Variants in RANBP2 observed in about 807,000 individuals in gnomAD.
RANBP2 encodes the protein RAN binding protein 2.
RANBP2 carries 57 observed loss-of-function variants against 303.6 expected under a neutral mutation model. The ratio of observed to expected loss-of-function variants is 0.19; its 90% CI spans 0.15 to 0.23. The LOEUF is 0.23. Among genes scored for constraint, RANBP2 ranks in the 10% least tolerant of loss-of-function variants. The pLI, the probability that RANBP2 is intolerant of heterozygous loss-of-function variation, is 1.00. For synonymous variants in RANBP2, 1,167 were observed against 1,301.5 expected, an observed-to-expected ratio of 0.90 and a Z score of 2.23; for missense variants, 3,138 against 3,780.8, an observed-to-expected ratio of 0.83 and a Z score of 4.46.
chr2:109,046,899 A>G, the RANBP2 span, among the ~76,000 whole-genome samples: 1 of 151,272 alleles, frequency 6.6e-6, no homozygotes, highest in Admixed American at 6.6e-5. Context: ...AGTGACCCCA[A>G]CCCCTGCCGG....
At chr2:109,548,508 A>C in the RANBP2 span, among the ~76,000 whole-genome samples, 47,881 of 151,978 alleles carry the variant, frequency 0.32, 7,773 homozygotes, top group Admixed American at 0.42. Context: ...TAAGACACCA[A>C]GTTGTCTAGA....
At chr2:109,422,956 G>A in the RANBP2 span, among the ~76,000 whole-genome samples, 3 of 152,114 alleles carry the variant, frequency 2.0e-5, no homozygotes, top group Non-Finnish European at 2.9e-5. Flanking sequence ...AGACCGACAC[G>A]CCTGGGTCTG....
chr2:109,276,156 G>A, the RANBP2 span, among the ~76,000 whole-genome samples: 14 of 152,322 alleles, frequency 9.2e-5, no homozygotes, highest in Admixed American at 4.6e-4. Flanking sequence ...GTTCGAGTTA[G>A]GAGCAGGCAT....
chr2:109,737,678 T>G, the RANBP2 span, among the ~76,000 whole-genome samples: 1 of 152,140 alleles, frequency 6.6e-6, no homozygotes, highest in Non-Finnish European at 1.5e-5. Context: ...GCTGTACTAA[T>G]TTACATATCC....
At chr2:109,259,788 A>G in the RANBP2 span, among the ~76,000 whole-genome samples, 1 of 152,118 alleles carries the variant, frequency 6.6e-6, no homozygotes, top group Non-Finnish European at 1.5e-5. Flanking sequence ...TATTCAGACA[A>G]GTTTCCTTGA....
At chr2:109,481,543 C>T in the RANBP2 span, among the ~76,000 whole-genome samples, 25 of 152,194 alleles carry the variant, frequency 1.6e-4, no homozygotes, top group East Asian at 3.5e-3. Flanking sequence ...GCTGTAGATG[C>T]GTAGCTGGCT....
the RANBP2 span, among the ~76,000 whole-genome samples, chr2:109,217,311 C>T: frequency 6.6e-6 from 1 of 152,130 alleles, no homozygotes; most frequent in Non-Finnish European, 1.5e-5. Flanking sequence ...CTTGGAGAAC[C>T]TTGGTTGTTC....
chr2:109,610,379 C>T, the RANBP2 span, among the ~76,000 whole-genome samples: 1 of 152,046 alleles, frequency 6.6e-6, no homozygotes, highest in African/African-American at 2.4e-5. Flanking sequence ...TGAGCCACTG[C>T]GCCCAGCCAC....
At chr2:109,553,157 T>C in the RANBP2 span, 1 of 1,614,164 alleles carries the variant, frequency 6.2e-7, no homozygotes, top group Non-Finnish European at 8.5e-7. Context: ...TTTCATTTCT[T>C]CTTCCTTCCT....
chr2:108,829,606 T>C, the RANBP2 span, among the ~76,000 whole-genome samples: 2 of 152,150 alleles, frequency 1.3e-5, no homozygotes, highest in African/African-American at 4.8e-5. Context: ...ATTAGCCCAG[T>C]GTGGTGATGC....
the RANBP2 span, among the ~76,000 whole-genome samples, chr2:109,494,813 C>A: frequency 6.6e-6 from 1 of 152,168 alleles, no homozygotes. Flanking sequence ...TGCCCAGACT[C>A]CTCCAGATCT....
At chr2:108,913,487 TCATAAAAGTAATATATGC>T in the RANBP2 span, among the ~76,000 whole-genome samples, 21 of 152,090 alleles carry the variant, frequency 1.4e-4, no homozygotes, top group Admixed American at 1.3e-4. Flanking sequence ...CTTTTTCCAG[TCATAAAAGTAATATATGC>T]TCACTATTAA....
the RANBP2 span, among the ~76,000 whole-genome samples, chr2:109,537,762 G>A: frequency 3.9e-5 from 6 of 151,962 alleles, no homozygotes; most frequent in Non-Finnish European, 7.4e-5. Context: ...CCTGGGCAAC[G>A]GGGCGAAACC....
At chr2:109,249,189 A>G in the RANBP2 span, among the ~76,000 whole-genome samples, 1 of 152,192 alleles carries the variant, frequency 6.6e-6, no homozygotes, top group Non-Finnish European at 1.5e-5. Context: ...GCCAAGAACT[A>G]CACTCGTTAA....
the RANBP2 span, chr2:109,613,151 A>G: frequency 7.8e-7 from 1 of 1,287,546 alleles, no homozygotes; most frequent in Non-Finnish European, 1.0e-6. Flanking sequence ...CGACCTTGGT[A>G]CTATTAACGA....
chr2:108,943,388 T>C, the RANBP2 span, among the ~76,000 whole-genome samples: 1 of 152,330 alleles, frequency 6.6e-6, no homozygotes, highest in South Asian at 2.1e-4. Flanking sequence ...CCTCATTCTT[T>C]ATATAGTTAA....
chr2:109,054,352 C>T, the RANBP2 span, among the ~76,000 whole-genome samples: 1 of 152,282 alleles, frequency 6.6e-6, no homozygotes, highest in South Asian at 2.1e-4. Context: ...TCCTTGATAA[C>T]ATCTTTGTTT....
chr2:108,775,257 T>C (rs1677800337), intron 23 of RANBP2, among the ~76,000 whole-genome samples: 1 of 152,246 alleles, frequency 6.6e-6, no homozygotes, highest in Non-Finnish European at 1.5e-5. Context: ...TATTGATTTC[T>C]AGTTTAATTC....
the RANBP2 span, among the ~76,000 whole-genome samples, chr2:109,236,173 A>C: frequency 6.6e-6 from 1 of 152,226 alleles, no homozygotes; most frequent in Non-Finnish European, 1.5e-5. Flanking sequence ...AATCACTGCC[A>C]AAAGAAAGAA....
Sources: gnomAD v4.1 joint callset for allele counts (sites outside exome capture counted in the v4.1 genomes callset) on GRCh38, gnomAD v4.1.1 for gene constraint, MANE v1.5 for transcripts, NCBI Gene and HGNC (gene_info 2026-07-23, HGNC 2026-07-21) for gene names.